RBFOX3: variants seen among roughly 807,000 people sequenced by gnomAD.
RBFOX3 encodes the protein RNA binding fox-1 homolog 3.
RBFOX3 carries 17 observed loss-of-function variants against 48.7 expected under a neutral mutation model. The observed-to-expected ratio is 0.35, with a 90% confidence interval of 0.24 to 0.52. The LOEUF (loss-of-function observed/expected upper bound fraction) is 0.52, where lower values mean the gene tolerates loss of function less well. Ranked by LOEUF, RBFOX3 falls within the 20% of genes least tolerant of loss-of-function variation. RBFOX3 has a pLI of 0.94. For synonymous variants in RBFOX3, 212 were observed against 209.5 expected (o/e 1.01, Z -0.10); for missense variants, 382 against 497.5 (o/e 0.77, Z 2.21).
At chr17:79,260,756 C>T (rs775647558) in intron 3 of RBFOX3, among the ~76,000 whole-genome samples, 139 of 152,208 alleles carry the variant, frequency 9.1e-4, no homozygotes, top group Non-Finnish European at 1.6e-3. Flanking sequence ...CCAAGGAAGA[C>T]GCTGTAAAGT....
Position 79,243,308 on chromosome 17 carries a change from A to G in RBFOX3, c.-73-7503T>C, listed in dbSNP as rs930514664. 6.6e-6 allele frequency among the ~76,000 whole-genome samples: 1 copy of G among 152,102 alleles called. No individual in the cohort carries two copies. Among genetic ancestry groups the G allele is most frequent in the Non-Finnish European group, 1.5e-5 (1 of 68,008 alleles). ...GTCAGAGTGAGCAGGGGGCAAACCA[A>G]CGTGGCCCCAGGAGAAAACCCACTG... On this transcript the variant is annotated intron_variant, in intron 3 of 14. Coordinates refer to ENST00000693108, the MANE Select transcript of RBFOX3 (RefSeq NM_001350451.2). This position sits in a 1 kb window ranked among gnomAD's most constrained non-coding sequence, Gnocchi z 7.9.
At chr17:79,335,590 T>C (rs1310625492) in intron 2 of RBFOX3, among the ~76,000 whole-genome samples, 1 of 152,210 alleles carries the variant, frequency 6.6e-6, no homozygotes, top group African/African-American at 2.4e-5. Flanking sequence ...TACACAGGCA[T>C]GAGTCCACAC....
intron 2 of RBFOX3, among the ~76,000 whole-genome samples, chr17:79,352,619 G>C (rs1156661160): frequency 6.6e-6 from 1 of 152,194 alleles, no homozygotes. Flanking sequence ...CCTCTGGAAA[G>C]GTAAAAACTC....
At chr17:79,640,617 C>A in the RBFOX3 span, among the ~76,000 whole-genome samples, 6 of 151,956 alleles carry the variant, frequency 3.9e-5, no homozygotes, top group African/African-American at 1.4e-4. Context: ...ATAGACCAAT[C>A]GAACAAAATA....
At chr17:79,442,502 G>C (rs1332122882) in intron 2 of RBFOX3, among the ~76,000 whole-genome samples, 1 of 151,924 alleles carries the variant, frequency 6.6e-6, no homozygotes, top group Non-Finnish European at 1.5e-5. Context: ...TGTGGTGAGA[G>C]GCGTATGGTA....
At chr17:79,202,638 A>G (rs1050965672) in intron 4 of RBFOX3, among the ~76,000 whole-genome samples, 5 of 152,172 alleles carry the variant, frequency 3.3e-5, no homozygotes, top group Admixed American at 2.6e-4. Flanking sequence ...CACAGCAGAC[A>G]CCACCCCAGT....
At chr17:79,118,567 C>A (rs1048638088) in intron 4 of RBFOX3, among the ~76,000 whole-genome samples, 3 of 151,946 alleles carry the variant, frequency 2.0e-5, no homozygotes, top group South Asian at 2.1e-4. Flanking sequence ...GCGTGAGGGC[C>A]CTGCAGACAC....
intron 4 of RBFOX3, among the ~76,000 whole-genome samples, chr17:79,119,181 C>T (rs1568166237): frequency 6.6e-6 from 1 of 152,062 alleles, no homozygotes; most frequent in Non-Finnish European, 1.5e-5. Flanking sequence ...AAATGACAGG[C>T]GAACCCGCCA....
At chr17:79,303,498 C>G (rs1431038814) in intron 3 of RBFOX3, among the ~76,000 whole-genome samples, 1 of 151,970 alleles carries the variant, frequency 6.6e-6, no homozygotes, top group East Asian at 1.9e-4. Context: ...GGATTTGGGT[C>G]TCTTTTAAGC....
intron 2 of RBFOX3, among the ~76,000 whole-genome samples, chr17:79,323,366 A>G (rs60580031): frequency 0.4 from 60,071 of 152,050 alleles, 12,302 homozygotes; most frequent in Non-Finnish European, 0.46. Flanking sequence ...TGTGGCAGAG[A>G]TGTGGGATGG....
chr17:79,388,661 C>T (rs1262121296), intron 2 of RBFOX3, among the ~76,000 whole-genome samples: 1 of 152,182 alleles, frequency 6.6e-6, no homozygotes, highest in African/African-American at 2.4e-5. Flanking sequence ...GCAGCACTAC[C>T]CTCTAGTGGC....
intron 1 of RBFOX3, among the ~76,000 whole-genome samples, chr17:79,536,329 C>T (rs2088742846): frequency 6.6e-6 from 1 of 152,258 alleles, no homozygotes; most frequent in Non-Finnish European, 1.5e-5. Context: ...GCCTCGGCCT[C>T]CCAAGTTACT....
the RBFOX3 span, among the ~76,000 whole-genome samples, chr17:79,648,720 G>A: frequency 2.6e-5 from 4 of 152,296 alleles, no homozygotes; most frequent in Non-Finnish European, 2.9e-5. Context: ...TCCGGCAGGG[G>A]CTGGGGCTGC....
intron 4 of RBFOX3, among the ~76,000 whole-genome samples, chr17:79,190,671 G>A (rs376750452): frequency 2.0e-5 from 3 of 152,170 alleles, no homozygotes; most frequent in Non-Finnish European, 2.9e-5. Context: ...ACTCTGCCTC[G>A]TGGTACACAA....
chr17:79,342,194 G>T (rs1476776616), intron 2 of RBFOX3, among the ~76,000 whole-genome samples: 1 of 152,236 alleles, frequency 6.6e-6, no homozygotes, highest in Non-Finnish European at 1.5e-5. Flanking sequence ...TGGGGCCCTT[G>T]TTGGGAAGTT....
chr17:79,562,955 C>T (rs2092305300), intron 1 of RBFOX3, among the ~76,000 whole-genome samples: 1 of 152,236 alleles, frequency 6.6e-6, no homozygotes, highest in African/African-American at 2.4e-5. Context: ...GCCTGCCTCC[C>T]ACCTGCCTAG....
At chr17:79,637,001 T>G in the RBFOX3 span, among the ~76,000 whole-genome samples, 3 of 152,188 alleles carry the variant, frequency 2.0e-5, no homozygotes, top group South Asian at 6.2e-4. Context: ...ATAACATGGG[T>G]GGCTATGCTT....
At chr17:79,653,598 C>T in the RBFOX3 span, among the ~76,000 whole-genome samples, 8 of 152,084 alleles carry the variant, frequency 5.3e-5, no homozygotes, top group Non-Finnish European at 1.0e-4. Context: ...AATAATGAAT[C>T]GATAGCTTCG....
At chr17:79,586,903 A>C (rs2093267995) in intron 1 of RBFOX3, among the ~76,000 whole-genome samples, 2 of 152,306 alleles carry the variant, frequency 1.3e-5, no homozygotes, top group East Asian at 3.9e-4. Context: ...ATGACTCTGA[A>C]TTTGCATCTG....
Sources: allele counts gnomAD v4.1 joint callset (sites outside exome capture counted in the v4.1 genomes callset), GRCh38; gene constraint gnomAD v4.1.1; non-coding constraint Gnocchi (gnomAD v3.1); transcripts MANE v1.5; gene names NCBI Gene and HGNC (gene_info 2026-07-23, HGNC 2026-07-21).